The following GPA33 variants were observed in gnomAD, a reference collection of about 807,000 sequenced individuals.
The protein encoded by GPA33 is cell surface A33 antigen.
In GPA33, 27 loss-of-function variants were observed where a neutral mutation model predicts 35.6. The ratio of observed to expected loss-of-function variants is 0.76; its 90% CI spans 0.56 to 1.04. GPA33 has a LOEUF of 1.04. GPA33 is among the 50% of genes least tolerant of loss of function. The pLI is 0.00. For synonymous variants in GPA33, 176 were observed against 164.0 expected, an observed-to-expected ratio of 1.07 and a Z score of -0.56; for missense variants, 428 against 411.9, an observed-to-expected ratio of 1.04 and a Z score of -0.34.
chr1:167,070,519 G>A (rs144042779), intron 2 of GPA33, among the ~76,000 whole-genome samples: 41 of 152,278 alleles, frequency 2.7e-4, no homozygotes, highest in African/African-American at 9.1e-4. Context: ...GGTTCAAACC[G>A]GGCATTGTGG....
intron 1 of GPA33, chr1:167,082,204 TA>T (rs1272529593): frequency 6.6e-6 from 3 of 454,310 alleles, no homozygotes; most frequent in African/African-American, 2.0e-5. Flanking sequence ...AGAATATTTC[TA>T]GAAGAAAATA....
chr1:167,081,202 G>A (rs1014113250), intron 1 of GPA33, among the ~76,000 whole-genome samples: 10 of 152,228 alleles, frequency 6.6e-5, no homozygotes, highest in African/African-American at 9.7e-5. Flanking sequence ...TGATGGAACC[G>A]GTGGCTTGAG....
In GPA33 at chr1:167,053,144, A is replaced by G. The variant is rs12461; in HGVS notation, c.*1190T>C. ...CAGCCCCACCAGAAAACCAGAGCCC[A>G]AATGGGCTGGGCAGGGCCAGGGCTG... On this transcript the variant is annotated 3_prime_UTR_variant, in exon 7 of 7. Transcript: ENST00000367868. 80,901 of 151,988 alleles carry G rather than the reference A, an allele frequency of 0.53. 22,499 individuals carry two copies. Among genetic ancestry groups the G allele is most frequent in the South Asian group, 0.71 (3,417 of 4,816 alleles). The allele number at this position is 151,988 out of a possible 1,614,324, so 9.4% of individuals were successfully genotyped here.
chr1:167,076,216 G>A (rs1666820718), intron 1 of GPA33, among the ~76,000 whole-genome samples: 1 of 152,164 alleles, frequency 6.6e-6, no homozygotes, highest in African/African-American at 2.4e-5. Flanking sequence ...ATGAGAATGA[G>A]CCAAGAGAGA....
chr1:167,055,854 A>C lies in GPA33; in HGVS notation c.572-5T>G, dbSNP rs1469564144. 1 of 1,613,806 alleles carries C rather than the reference A, an allele frequency of 6.2e-7. No homozygotes were observed. The highest frequency in any genetic ancestry group is 1.3e-5 in the African/African-American group (1 of 74,930). On this transcript the variant is annotated splice_polypyrimidine_tract_variant and splice_region_variant and intron_variant, in intron 4 of 6. Coordinates refer to ENST00000367868, the MANE Select transcript of GPA33 (RefSeq NM_005814.3). ...GGGAGACAGGCTGACCTGAGGCTGC[A>C]GGGGAAGAAGAGTCAGGGTGAAGAG...
At chr1:167,064,963 C>T (rs1476662712) in intron 3 of GPA33, among the ~76,000 whole-genome samples, 1 of 152,126 alleles carries the variant, frequency 6.6e-6, no homozygotes, top group African/African-American at 2.4e-5. Flanking sequence ...TGGAGGTTAC[C>T]CAGAACGGCA....
chr1:167,069,909 G>A (rs1666681913), intron 2 of GPA33, among the ~76,000 whole-genome samples: 1 of 152,226 alleles, frequency 6.6e-6, no homozygotes, highest in Admixed American at 6.5e-5. Flanking sequence ...TCTACTAGGT[G>A]TCTGACATTT....
chr1:167,085,639 G>A (rs71630374), intron 1 of GPA33, among the ~76,000 whole-genome samples: 9,412 of 152,154 alleles, frequency 0.062, 311 homozygotes, highest in Middle Eastern at 0.082. Context: ...TGGACATACC[G>A]AATCATCTGC....
intron 2 of GPA33, among the ~76,000 whole-genome samples, chr1:167,070,093 A>G (rs1666686399): frequency 1.3e-5 from 2 of 152,216 alleles, no homozygotes. Flanking sequence ...TCCTAAAAAC[A>G]ACTAAGAATT....
chr1:167,062,191 C>CTTTAT (rs921263112), intron 4 of GPA33, among the ~76,000 whole-genome samples: 3 of 150,618 alleles, frequency 2.0e-5, no homozygotes, highest in Non-Finnish European at 4.4e-5. Flanking sequence ...TTTTATTTTA[C>CTTTAT]TTTATTTTAT....
chr1:167,078,318 A>T (rs1246908362), intron 1 of GPA33, among the ~76,000 whole-genome samples: 1 of 152,206 alleles, frequency 6.6e-6, no homozygotes, highest in African/African-American at 2.4e-5. Flanking sequence ...AGCTTCACAC[A>T]TACACTTAGA....
In GPA33 at chr1:167,063,614, A is replaced by G. The variant is rs1666516752; in HGVS notation, c.539T>C (p.Ile180Thr). ...GGCCAGGGGCTGCTCCTGATTCAGG[A>G]TGTTGTACCTCTTCCAGCTGTACTG... Reference protein sequence around the residue: ...TPQYSWKRYNILNQEQPLAQP... With the variant: ...TPQYSWKRYNTLNQEQPLAQP... Residue 180 changes from isoleucine (I) to threonine (T), a missense_variant, in exon 4 of 7, where the codon ATC becomes ACC. By Grantham distance (89) the Ile-to-Thr change is moderately conservative. Transcript: ENST00000367868. The G allele has an allele frequency of 5.0e-6, 8 of 1,612,246 alleles. No individual in the cohort carries two copies. The highest frequency in any genetic ancestry group is 1.8e-4 in the Middle Eastern group (1 of 5,584).
chr1:167,071,280 G>A (rs185349186), intron 2 of GPA33, among the ~76,000 whole-genome samples: 2 of 152,342 alleles, frequency 1.3e-5, no homozygotes, highest in Admixed American at 1.3e-4. Context: ...AAATGCTAAT[G>A]AGAGATGAAA....
intron 3 of GPA33, among the ~76,000 whole-genome samples, chr1:167,065,006 C>T (rs1666561310): frequency 1.3e-5 from 2 of 152,182 alleles, no homozygotes; most frequent in South Asian, 2.1e-4. Context: ...AACCCGATTC[C>T]CTGGATTTCT....
rs202172896 is a variant in GPA33, at chr1:167,061,590, T to G, written c.571+1992A>C. Among the ~76,000 whole-genome samples the G allele has an allele frequency of 7.5e-5, 10 of 132,982 alleles. No homozygotes were observed. In the East Asian group the frequency reaches 1.7e-3, roughly 23 times the overall value. 87.2% of individuals were successfully genotyped at this position (132,982 alleles called of 152,430 possible). On this transcript the variant is annotated intron_variant, in intron 4 of 6. Transcript: ENST00000367868. Reference sequence around the variant, plus strand: ...GTCGAGTGGATTCTACTAACTGTTTTTTTTTTTTTTTTTTTTTTTTTTTGA... The same window carrying G: ...GTCGAGTGGATTCTACTAACTGTTTGTTTTTTTTTTTTTTTTTTTTTTTGA...
chr1:167,073,131 A>C (rs1159450775), intron 2 of GPA33, among the ~76,000 whole-genome samples: 1 of 152,216 alleles, frequency 6.6e-6, no homozygotes, highest in Non-Finnish European at 1.5e-5. Flanking sequence ...ACTGACTCGC[A>C]TGATACAATT....
intron 1 of GPA33, chr1:167,082,218 C>T: frequency 2.2e-6 from 1 of 455,116 alleles, no homozygotes; most frequent in South Asian, 1.6e-5. Flanking sequence ...AGAAAATACA[C>T]CAAAATACAG....
chr1:167,055,684 T>G, intron 5 of GPA33, 46 bp downstream of exon 5: 1 of 1,607,380 alleles, frequency 6.2e-7, no homozygotes, highest in African/African-American at 1.3e-5. Flanking sequence ...CCCCCACCAG[T>G]TATCCTGTGG....
intron 4 of GPA33, among the ~76,000 whole-genome samples, chr1:167,057,097 G>A (rs1415230011): frequency 6.6e-6 from 1 of 151,782 alleles, no homozygotes; most frequent in Non-Finnish European, 1.5e-5. Flanking sequence ...GACGGAGGCA[G>A]ACTGTCTAGA....
Sources: gnomAD v4.1 joint callset for allele counts (sites outside exome capture counted in the v4.1 genomes callset) on GRCh38, gnomAD v4.1.1 for gene constraint, MANE v1.5 for transcripts, NCBI Gene and HGNC (gene_info 2026-07-23, HGNC 2026-07-21) for gene names.